INTU: variants seen among roughly 807,000 people sequenced by gnomAD.
INTU encodes the protein inturned planar cell polarity protein, also known as protein inturned.
Under a neutral mutation model 100.5 loss-of-function variants are expected in INTU, and 68 were observed. That is an observed-to-expected ratio of 0.68 (90% CI 0.56 to 0.83). INTU has a LOEUF of 0.83. Among genes scored for constraint, INTU ranks in the 40% least tolerant of loss-of-function variants. INTU has a pLI of 0.00. For missense variants in INTU, 1,071 were observed against 1,114.7 expected (o/e 0.96, Z 0.56); for synonymous variants, 357 against 395.7 (o/e 0.90, Z 1.16).
At chr4:127,702,395 A>G (rs1297396126) in intron 9 of INTU, among the ~76,000 whole-genome samples, 2 of 152,204 alleles carry the variant, frequency 1.3e-5, no homozygotes, top group African/African-American at 4.8e-5. Flanking sequence ...CCTGTATACA[A>G]AGCAACTTTA....
In INTU at chr4:127,687,752, C is replaced by A. The variant is rs35354253; in HGVS notation, c.1334C>A (p.Pro445His). The change falls in exon 8 of 16, where the codon CCT (proline) becomes CAT (histidine). Residue 445 changes from proline (P) to histidine (H), a missense_variant. Pro to His is a moderately conservative substitution (Grantham distance 77). Transcript: ENST00000335251. Reference protein sequence around the residue: ...FNLFFQRALQPAKLHSSASPS... With the variant: ...FNLFFQRALQHAKLHSSASPS... ...TTGTTCTTTCAAAGAGCACTTCAGC[C>A]TGCGAAACTGCATTCCAGCGCCAGT... 9.6e-4 allele frequency: 1,553 copies of A among 1,613,538 alleles called. 20 individuals carry two copies. The African/African-American group carries it at 0.019, about 20-fold the overall frequency.
chr4:127,677,478 C>A (rs1282392525), intron 6 of INTU, among the ~76,000 whole-genome samples: 11 of 150,884 alleles, frequency 7.3e-5, no homozygotes, highest in South Asian at 6.2e-4. Flanking sequence ...GCTGCTGGTA[C>A]CCAGGCAAAC....
chr4:127,651,232 A>G (rs1234012112), intron 2 of INTU, among the ~76,000 whole-genome samples: 3 of 151,808 alleles, frequency 2.0e-5, no homozygotes, highest in Non-Finnish European at 4.4e-5. Context: ...ATTAGATCCC[A>G]TTTGTCAATT....
rs750125969 is a variant in INTU at position 127,643,772 on chromosome 4, G to A, written c.398G>A (p.Ser133Asn). Residue 133 changes from serine to asparagine, a missense_variant, in exon 2 of 16, where the codon AGC becomes AAC. Physicochemically the swap from Ser to Asn is conservative, Grantham distance 46 (BLOSUM62 1). Transcript: ENST00000335251. ...LLPKRCNKKNSNDNGPVSILK... is the reference protein window; with the variant it reads ...LLPKRCNKKNNNDNGPVSILK... ...CCCAAGCGCTGCAATAAAAAAAATA[G>A]CAATGACAATGGACCAGTATCCATT... 2 of 1,613,588 alleles carry A rather than the reference G, an allele frequency of 1.2e-6. No individual in the cohort carries two copies. Among genetic ancestry groups the A allele is most frequent in the East Asian group, 2.2e-5 (1 of 44,880 alleles).
chr4:127,651,504 G>A (rs1025251641), intron 2 of INTU, among the ~76,000 whole-genome samples: 2 of 152,156 alleles, frequency 1.3e-5, no homozygotes, highest in Admixed American at 6.5e-5. Context: ...GTTTTTCTCA[G>A]GTTTGTCAAA....
At chr4:127,667,502 T>C (rs1404198574) in intron 4 of INTU, among the ~76,000 whole-genome samples, 1 of 152,112 alleles carries the variant, frequency 6.6e-6, no homozygotes, top group Non-Finnish European at 1.5e-5. Flanking sequence ...TTCTGTGAGT[T>C]ACATATTTAA....
Position 127,719,210 on chromosome 4 carries a change from G to T in INTU, c.*2774G>T, listed in dbSNP as rs1204592420. On this transcript the variant is annotated 3_prime_UTR_variant, in exon 16 of 16. Coordinates refer to ENST00000335251, the MANE Select transcript of INTU (RefSeq NM_015693.4). ...ACATGAAAGGATGTTGAATTTTATT[G>T]AAGGTGTTTTCTGCATCTATTGAGT... 1 of 152,106 alleles carries T rather than the reference G, an allele frequency of 6.6e-6. No individual in the cohort carries two copies. The highest frequency in any genetic ancestry group is 1.5e-5 in the Non-Finnish European group (1 of 68,000). The allele number at this position is 152,106 out of a possible 1,614,324, so 9.4% of individuals were successfully genotyped here. A position where few individuals can be genotyped will look rare whatever the true frequency, so the allele number is the denominator to read the frequency against.
intron 9 of INTU, among the ~76,000 whole-genome samples, chr4:127,703,335 G>A (rs565292986): frequency 9.4e-4 from 143 of 152,166 alleles, no homozygotes; most frequent in Non-Finnish European, 1.6e-3. Context: ...AGCTGTGTAC[G>A]GGGTGAAGCT....
intron 2 of INTU, among the ~76,000 whole-genome samples, chr4:127,650,889 C>G (rs1727830342): frequency 6.6e-6 from 1 of 152,170 alleles, no homozygotes; most frequent in South Asian, 2.1e-4. Flanking sequence ...CCTGTTGTTT[C>G]CCGGCTTTTT....
intron 1 of INTU, among the ~76,000 whole-genome samples, chr4:127,636,992 A>G (rs1727101911): frequency 6.6e-6 from 1 of 152,216 alleles, no homozygotes; most frequent in Non-Finnish European, 1.5e-5. Context: ...TCAGTGTGTG[A>G]AGATAATTCA....
intron 2 of INTU, among the ~76,000 whole-genome samples, chr4:127,648,704 C>T (rs1263975480): frequency 6.6e-6 from 1 of 152,180 alleles, no homozygotes; most frequent in Admixed American, 6.6e-5. Context: ...TACATTGACA[C>T]AGCTATACTG....
At chr4:127,713,076 A>G (rs1464546878) in intron 14 of INTU, among the ~76,000 whole-genome samples, 1 of 152,182 alleles carries the variant, frequency 6.6e-6, no homozygotes, top group Non-Finnish European at 1.5e-5. Context: ...TATGATAAGG[A>G]CTTTGGGCTT....
rs572089222 is a variant in INTU, at chr4:127,723,901, C to T, written c.*7465C>T. 1.2e-4 allele frequency: 18 copies of T among 151,890 alleles called. No individual in the cohort carries two copies. Among genetic ancestry groups the T allele is most frequent in the South Asian group, 4.2e-4 (2 of 4,812 alleles). The allele number at this position is 151,890 out of a possible 1,614,324, so 9.4% of individuals were successfully genotyped here. A position where few individuals can be genotyped will look rare whatever the true frequency, so the allele number is the denominator to read the frequency against. The stretch of plus-strand genomic sequence containing the variant: ...GGTGGGAAGATCACCTGAGCTCAGT[C>T]GGTTGAGGCTGCAGTGAGCTATGAT... On this transcript the variant is annotated 3_prime_UTR_variant, in exon 16 of 16. Coordinates refer to ENST00000335251, the MANE Select transcript of INTU (RefSeq NM_015693.4).
Position 127,710,919 on chromosome 4 carries a change from A to G in INTU, c.2376A>G (p.Thr792=). The G allele has an allele frequency of 1.4e-6, 2 of 1,452,168 alleles. No individual in the cohort carries two copies. The highest frequency in any genetic ancestry group is 1.8e-6 in the Non-Finnish European group (2 of 1,086,432). The allele number at this position is 1,452,168 out of a possible 1,614,324, so 90.0% of individuals were successfully genotyped here. A position where few individuals can be genotyped will look rare whatever the true frequency, so the allele number is the denominator to read the frequency against. The part of the protein sequence containing the change: ...ELEIYNTVKL[T]SGPENTLFHY... ...GATTTTTTTTCTTTTTAAGACTGAC[A>G]TCTGGTCCTGAGAACACACTTTTCC... The change falls in exon 14 of 16, where the codon ACA becomes ACG. Residue 792 remains threonine, a synonymous_variant. Coordinates refer to ENST00000335251, the MANE Select transcript of INTU (RefSeq NM_015693.4).
In INTU at chr4:127,719,202, AT is replaced by A. The variant is rs1479436829; in HGVS notation, c.*2770del. 1.3e-5 allele frequency: 2 copies of A among 152,158 alleles called. No individual in the cohort carries two copies. The highest frequency in any genetic ancestry group is 2.9e-5 in the Non-Finnish European group (2 of 68,046). The allele number at this position is 152,158 out of a possible 1,614,324, so 9.4% of individuals were successfully genotyped here. A position where few individuals can be genotyped will look rare whatever the true frequency, so the allele number is the denominator to read the frequency against. On this transcript the variant is annotated 3_prime_UTR_variant, in exon 16 of 16. Coordinates refer to ENST00000335251, the MANE Select transcript of INTU (RefSeq NM_015693.4). ...AGTTTTTAACATGAAAGGATGTTGA[AT>A]TTTATTGAAGGTGTTTTCTGCATCT...
Position 127,716,305 on chromosome 4 carries a change from T to C in INTU, c.2718-20T>C. 8.7e-7 allele frequency: 1 copy of C among 1,148,086 alleles called. No homozygotes were observed. Among genetic ancestry groups the C allele is most frequent in the Non-Finnish European group, 1.2e-6 (1 of 801,106 alleles). The allele number at this position is 1,148,086 out of a possible 1,614,324, so 71.1% of individuals were successfully genotyped here. Reference sequence around the variant, plus strand: ...TTGTTGTTTTAATTTCTGAAATGAGTGTGTTCTTTTCTTCTGCAGGAGACT... The same window carrying C: ...TTGTTGTTTTAATTTCTGAAATGAGCGTGTTCTTTTCTTCTGCAGGAGACT... On this transcript the variant is annotated intron_variant, in intron 15 of 15. Transcript: ENST00000335251.
At position 127,643,942 on chromosome 4, in the gene INTU, C is replaced by A; in HGVS notation, c.568C>A (p.His190Asn). 6.2e-7 allele frequency: 1 copy of A among 1,614,150 alleles called. No homozygotes were observed. Among genetic ancestry groups the A allele is most frequent in the Admixed American group, 1.7e-5 (1 of 60,012 alleles). ...TCTGGAAGTGCTGGTTGGAATTATT[C>A]ATCAGACCAAGTGGAGCTGGAGAAG... ...KLLEVLVGII[H>N]QTKWSWRRTG... The change falls in exon 2 of 16, where the codon CAT becomes AAT. Residue 190 changes from histidine to asparagine, a missense_variant. By Grantham distance (68) the His-to-Asn change is moderately conservative. Coordinates refer to ENST00000335251, the MANE Select transcript of INTU (RefSeq NM_015693.4).
Position 127,706,577 on chromosome 4 carries a change from C to G in INTU, c.1879C>G (p.Gln627Glu), listed in dbSNP as rs1357831512. The change falls in exon 12 of 16, where the codon CAA (glutamine) becomes GAA (glutamate). Residue 627 changes from glutamine to glutamate, a missense_variant. Transcript: ENST00000335251. Reference sequence around the variant, plus strand: ...TGGACCAGACTGTGTATATGTGGATCAAGTCAAAACAACTCTTCACCAGCT... The same window carrying G: ...TGGACCAGACTGTGTATATGTGGATGAAGTCAAAACAACTCTTCACCAGCT... Reference protein sequence around the residue: ...SPGPDCVYVDQVKTTLHQLDG... With the variant: ...SPGPDCVYVDEVKTTLHQLDG... 3.7e-6 allele frequency: 6 copies of G among 1,613,920 alleles called. No individual in the cohort carries two copies. Among genetic ancestry groups the G allele is most frequent in the African/African-American group, 1.3e-5 (1 of 74,904 alleles).
rs1398790961 is a variant in INTU at position 127,717,519 on chromosome 4, G to A, written c.*1083G>A. ...GTATAAACCCAGTAATGGGATTGCT[G>A]GGTCAAATGGCATTTCTGGTTCTAG... On this transcript the variant is annotated 3_prime_UTR_variant, in exon 16 of 16. Coordinates refer to ENST00000335251, the MANE Select transcript of INTU (RefSeq NM_015693.4). 1 of 152,180 alleles carries A rather than the reference G, an allele frequency of 6.6e-6. No individual in the cohort carries two copies. Among genetic ancestry groups the A allele is most frequent in the Non-Finnish European group, 1.5e-5 (1 of 68,044 alleles). The allele number at this position is 152,180 out of a possible 1,614,324, so 9.4% of individuals were successfully genotyped here.
Sources: gnomAD v4.1 joint callset for allele counts (sites outside exome capture counted in the v4.1 genomes callset) on GRCh38, gnomAD v4.1.1 for gene constraint, MANE v1.5 for transcripts, NCBI Gene and HGNC (gene_info 2026-07-23, HGNC 2026-07-21) for gene names.